Variants in TMEM178B observed in about 807,000 individuals in gnomAD.
TMEM178B encodes the protein transmembrane protein 178B.
In TMEM178B, 5 loss-of-function variants were observed where a neutral mutation model predicts 31.0. The observed-to-expected ratio is 0.16, with a 90% CI of 0.08 to 0.34. The LOEUF is 0.34. Among genes scored for constraint, TMEM178B ranks in the 10% least tolerant of loss-of-function variants. The pLI is 1.00. For missense variants in TMEM178B, 275 were observed against 400.3 expected (o/e 0.69, Z 2.67); for synonymous variants, 164 against 164.0 (o/e 1.00, Z 0.00).
chr7:141,090,252 C>CAT (rs914245867), intron 1 of TMEM178B, among the ~76,000 whole-genome samples: 1 of 127,090 alleles, frequency 7.9e-6, no homozygotes, highest in African/African-American at 3.3e-5. Context: ...ATGGTGCAAT[C>CAT]ATAGCTCACT....
chr7:141,481,748 C>A (rs1214316405), downstream of TMEM178B, among the ~76,000 whole-genome samples: 1 of 152,098 alleles, frequency 6.6e-6, no homozygotes, highest in African/African-American at 2.4e-5. Flanking sequence ...AATGGGAGAG[C>A]CCCACCCCAC....
chr7:141,438,947 C>A (rs929445527), intron 3 of TMEM178B, among the ~76,000 whole-genome samples: 1 of 151,488 alleles, frequency 6.6e-6, no homozygotes, highest in Admixed American at 6.6e-5. Context: ...CATTTAGAAA[C>A]AAATGTCAGT....
At chr7:141,276,800 C>T (rs561478259) in intron 2 of TMEM178B, among the ~76,000 whole-genome samples, 1 of 152,290 alleles carries the variant, frequency 6.6e-6, no homozygotes, top group East Asian at 1.9e-4. Flanking sequence ...TACACCTAGG[C>T]TATACAGCAT....
In TMEM178B at chr7:141,445,378, A is replaced by G. The variant is rs544352549; in HGVS notation, c.634+7633A>G. ...TCTTGCCTGGAGGACTGTTTCTTTT[A>G]GACAGTAAAATGATTTAAGGGATCT... On this transcript the variant is annotated intron_variant, in intron 3 of 3. Coordinates refer to ENST00000565468, the MANE Select transcript of TMEM178B (RefSeq NM_001195278.2). 2.6e-5 allele frequency among the ~76,000 whole-genome samples: 4 copies of G among 152,318 alleles called. No homozygotes were observed. The East Asian group carries it at 7.7e-4, about 29-fold the overall frequency.
intron 1 of TMEM178B, among the ~76,000 whole-genome samples, chr7:141,166,308 G>C (rs1796259699): frequency 6.6e-6 from 1 of 152,192 alleles, no homozygotes; most frequent in South Asian, 2.1e-4. Flanking sequence ...CAGGAAGTAA[G>C]GGTCCTGCTG....
intron 2 of TMEM178B, among the ~76,000 whole-genome samples, chr7:141,389,593 T>G (rs1464331457): frequency 6.6e-6 from 1 of 152,168 alleles, no homozygotes; most frequent in Non-Finnish European, 1.5e-5. Flanking sequence ...GAGCCAATAA[T>G]AACACACTAG....
At chr7:141,119,596 C>A in intron 1 of TMEM178B, among the ~76,000 whole-genome samples, 1 of 152,190 alleles carries the variant, frequency 6.6e-6, no homozygotes, top group Admixed American at 6.5e-5. Flanking sequence ...TCTTTATGAA[C>A]ATGCTTTGAT....
intron 2 of TMEM178B, among the ~76,000 whole-genome samples, chr7:141,271,213 T>A (rs1204652881): frequency 1.3e-5 from 2 of 151,900 alleles, no homozygotes; most frequent in Non-Finnish European, 2.9e-5. Context: ...GAGGCTGGAG[T>A]TGGGGTGGCA....
chr7:141,172,678 A>T (rs548466996), intron 1 of TMEM178B, among the ~76,000 whole-genome samples: 1 of 152,208 alleles, frequency 6.6e-6, no homozygotes, highest in African/African-American at 2.4e-5. Context: ...GTGGGAATGG[A>T]TGAGAACAGA....
chr7:141,161,959 TGA>T (rs67299845), intron 1 of TMEM178B, among the ~76,000 whole-genome samples: 111,178 of 151,598 alleles, frequency 0.73, 41,419 homozygotes, highest in African/African-American at 0.84. Flanking sequence ...TGAGAGAGCA[TGA>T]GAGTGTGTGT....
rs544664919 is a variant in TMEM178B, at chr7:141,369,642, G to A, written c.497-67966G>A. On this transcript the variant is annotated intron_variant, in intron 2 of 3. Transcript: ENST00000565468. ...GCGTTCCTAATGGAGCTTGCTCTCT[G>A]CAGACTGGCTGTGAGCCCAGGTTTA... Among the ~76,000 whole-genome samples the A allele has an allele frequency of 3.9e-5, 6 of 152,318 alleles. 1 individual carries two copies. In the South Asian group the frequency reaches 1.2e-3, roughly 32 times the overall value.
intron 2 of TMEM178B, among the ~76,000 whole-genome samples, chr7:141,359,924 A>G (rs1799888959): frequency 6.6e-6 from 1 of 152,170 alleles, no homozygotes. Context: ...AACAGAGCGA[A>G]AGGGGTTTCC....
intron 2 of TMEM178B, among the ~76,000 whole-genome samples, chr7:141,385,630 G>A (rs116756164): frequency 0.017 from 2,557 of 152,276 alleles, 79 homozygotes; most frequent in African/African-American, 0.059. Flanking sequence ...TAAGGAGTCA[G>A]CAACCTTTTT....
chr7:141,250,276 A>C (rs181008945), intron 2 of TMEM178B, among the ~76,000 whole-genome samples: 7 of 152,318 alleles, frequency 4.6e-5, no homozygotes, highest in Admixed American at 4.6e-4. Flanking sequence ...TGATTTATTG[A>C]ATCTTCATAC....
intron 1 of TMEM178B, among the ~76,000 whole-genome samples, chr7:141,160,338 C>A (rs1238582013): frequency 6.6e-6 from 1 of 152,088 alleles, no homozygotes; most frequent in Non-Finnish European, 1.5e-5. Context: ...CAGTGATACC[C>A]CGGCACCAGC....
intron 2 of TMEM178B, among the ~76,000 whole-genome samples, chr7:141,267,124 C>T (rs989062551): frequency 8.5e-5 from 13 of 152,168 alleles, no homozygotes; most frequent in African/African-American, 2.9e-4. Flanking sequence ...CCATGACAGC[C>T]GATCTACAGC....
chr7:141,273,843 G>C (rs1214317334), intron 2 of TMEM178B, among the ~76,000 whole-genome samples: 1 of 152,192 alleles, frequency 6.6e-6, no homozygotes, highest in South Asian at 2.1e-4. Flanking sequence ...CCCACTGCCT[G>C]TTGGGCATGT....
chr7:141,394,681 C>T (rs1291291496), intron 2 of TMEM178B, among the ~76,000 whole-genome samples: 1 of 152,216 alleles, frequency 6.6e-6, no homozygotes, highest in African/African-American at 2.4e-5. Context: ...TTTCTCCCAA[C>T]ACCAGTGTTC....
chr7:141,385,787 A>G (rs959327333), intron 2 of TMEM178B, among the ~76,000 whole-genome samples: 1 of 152,130 alleles, frequency 6.6e-6, no homozygotes, highest in Non-Finnish European at 1.5e-5. Flanking sequence ...AACAGCTGTT[A>G]CCAGTCCCTT....
Sources: gnomAD v4.1 joint callset for allele counts (sites outside exome capture counted in the v4.1 genomes callset) on GRCh38, gnomAD v4.1.1 for gene constraint, MANE v1.5 for transcripts, NCBI Gene and HGNC (gene_info 2026-07-23, HGNC 2026-07-21) for gene names.